The following EVC variants were observed in gnomAD, a reference collection of about 807,000 sequenced individuals.
EVC encodes evC complex member EVC.
In EVC, 116 loss-of-function variants were observed where a neutral mutation model predicts 118.9. The observed-to-expected ratio is 0.98, with a 90% confidence interval of 0.84 to 1.14. The LOEUF (loss-of-function observed/expected upper bound fraction) is 1.14. EVC is among the 50% of genes most tolerant of loss of function. EVC has a pLI of 0.00. For missense variants in EVC, 1,401 were observed against 1,246.4 expected (o/e 1.12, Z -1.87); for synonymous variants, 619 against 534.7 (o/e 1.16, Z -2.18).
At chr4:5,827,980 G>T in the EVC span, 1 of 944,936 alleles carries the variant, frequency 1.1e-6, no homozygotes, top group Non-Finnish European at 1.3e-6. Flanking sequence ...AATAAGGAAC[G>T]ACAGGGCAGA....
chr4:5,739,824 G>A (rs1319550495), intron 5 of EVC, among the ~76,000 whole-genome samples: 4 of 151,636 alleles, frequency 2.6e-5, no homozygotes, highest in Non-Finnish European at 5.9e-5. Context: ...CCAGCACTTT[G>A]GGAGGTGGAG....
chr4:5,828,465 C>G, the EVC span: 1 of 1,606,876 alleles, frequency 6.2e-7, no homozygotes, highest in Non-Finnish European at 8.5e-7. Context: ...ACGGGTGGGC[C>G]CGCTCCCCTG....
At position 5,756,246 on chromosome 4, in the gene EVC, C is replaced by T. The variant is rs1386528357; in HGVS notation, c.1465-18C>T. 3 of 1,591,708 alleles carry T rather than the reference C, an allele frequency of 1.9e-6. No homozygotes were observed. Among genetic ancestry groups the T allele is most frequent in the Non-Finnish European group, 2.6e-6 (3 of 1,163,998 alleles). On this transcript the variant is annotated intron_variant, in intron 10 of 20. Coordinates refer to ENST00000264956, the MANE Select transcript of EVC (RefSeq NM_153717.3). The surrounding 1 kb of genome is among the most constrained non-coding windows in gnomAD (Gnocchi z 4.2). ...CCCTGCATGTTTCTACCAGACTCAGCTCTTGTTTTCCTCACAGGCTTTTCA... is the reference window on the plus strand; with the variant it reads ...CCCTGCATGTTTCTACCAGACTCAGTTCTTGTTTTCCTCACAGGCTTTTCA...
intron 15 of EVC, among the ~76,000 whole-genome samples, chr4:5,800,493 CTGA>C (rs1396066272): frequency 2.0e-5 from 3 of 152,004 alleles, no homozygotes; most frequent in African/African-American, 7.2e-5. Flanking sequence ...CAGAAAAAAA[CTGA>C]GGAGGAGGAG....
At chr4:5,777,510 G>A (rs568910285) in intron 11 of EVC, among the ~76,000 whole-genome samples, 23 of 152,242 alleles carry the variant, frequency 1.5e-4, no homozygotes, top group East Asian at 9.6e-4. Flanking sequence ...GGTAAAAGCC[G>A]CCCAAAGACT....
rs1042630242 is a variant in EVC, at chr4:5,756,819, C to T, written c.1563+457C>T. Among the ~76,000 whole-genome samples, 43 of 152,248 alleles carry T rather than the reference C, an allele frequency of 2.8e-4. No homozygotes were observed. Among genetic ancestry groups the T allele is most frequent in the Admixed American group, 2.0e-3 (30 of 15,294 alleles). ...GGGGAGGTGAAGCTGGCCATGCTTGCCCTGCAGGGTGACTTTCAGAGAGCA... is the reference window on the plus strand; with the variant it reads ...GGGGAGGTGAAGCTGGCCATGCTTGTCCTGCAGGGTGACTTTCAGAGAGCA... On this transcript the variant is annotated intron_variant, in intron 11 of 20. Transcript: ENST00000264956. This position sits in a 1 kb window ranked among gnomAD's most constrained non-coding sequence, Gnocchi z 4.2.
At chr4:5,721,000 G>T (rs1270442958) in intron 2 of EVC, among the ~76,000 whole-genome samples, 2 of 152,086 alleles carry the variant, frequency 1.3e-5, no homozygotes, top group African/African-American at 4.8e-5. Context: ...ACGTGTGTCT[G>T]TGTATGTCCC....
Position 5,731,685 on chromosome 4 carries a change from G to A in EVC, c.617+28G>A. The A allele has an allele frequency of 6.3e-7, 1 of 1,593,418 alleles. No individual in the cohort carries two copies. Among genetic ancestry groups the A allele is most frequent in the Non-Finnish European group, 8.6e-7 (1 of 1,164,768 alleles). Reference sequence around the variant, plus strand: ...AAGGAGAGCGGGCAATGGAGGATGAGGCTTCCAGTCCTCTTGGAGTGGGCC... The same window carrying A: ...AAGGAGAGCGGGCAATGGAGGATGAAGCTTCCAGTCCTCTTGGAGTGGGCC... On this transcript the variant is annotated intron_variant, in intron 4 of 20. Coordinates refer to ENST00000264956, the MANE Select transcript of EVC (RefSeq NM_153717.3). The surrounding 1 kb of genome is among the most constrained non-coding windows in gnomAD (Gnocchi z 5.6).
chr4:5,811,121 G>A lies in EVC; in HGVS notation c.*84G>A. On this transcript the variant is annotated 3_prime_UTR_variant, in exon 21 of 21. Transcript: ENST00000264956. ...TTCCCTCCTGCAGTGCTGAGAGGCA[G>A]CGAGGACGGAGAGGACAGCGGCATC... 3 of 1,126,030 alleles carry A rather than the reference G, an allele frequency of 2.7e-6. No homozygotes were observed. Among genetic ancestry groups the A allele is most frequent in the Non-Finnish European group, 1.3e-6 (1 of 757,058 alleles). 69.8% of individuals were successfully genotyped at this position (1,126,030 alleles called of 1,614,324 possible). A position where few individuals can be genotyped will look rare whatever the true frequency, so the allele number is the denominator to read the frequency against.
intron 1 of EVC, among the ~76,000 whole-genome samples, chr4:5,718,417 T>C (rs146576470): frequency 6.6e-6 from 1 of 152,286 alleles, no homozygotes; most frequent in East Asian, 1.9e-4. Flanking sequence ...CCAGAGGGCA[T>C]GTCATAGTTT....
chr4:5,727,915 C>G lies in EVC; in HGVS notation c.301-1392C>G, dbSNP rs371177378. Among the ~76,000 whole-genome samples, 332 of 146,754 alleles carry G rather than the reference C, an allele frequency of 2.3e-3. 2 individuals are homozygous for G. The Middle Eastern group carries it at 0.038, about 17-fold the overall frequency. ...CGGCATTATTTCTGAGGGCTCTGTT[C>G]TGTTCCATTGATCTATATCTCTGTT... On this transcript the variant is annotated intron_variant, in intron 2 of 20. Transcript: ENST00000264956.
At chr4:5,748,891 A>G (rs1333271908) in intron 8 of EVC, among the ~76,000 whole-genome samples, 3 of 152,130 alleles carry the variant, frequency 2.0e-5, no homozygotes, top group Non-Finnish European at 4.4e-5. Flanking sequence ...ACACATTGAA[A>G]TTATCTGGGA....
chr4:5,788,997 C>T (rs1201273790), intron 12 of EVC, among the ~76,000 whole-genome samples: 1 of 152,156 alleles, frequency 6.6e-6, no homozygotes, highest in Admixed American at 6.5e-5. Context: ...TTGGACGTCC[C>T]TGTTTTAAGA....
chr4:5,735,012 T>C (rs566992728), intron 5 of EVC, among the ~76,000 whole-genome samples: 2 of 152,124 alleles, frequency 1.3e-5, no homozygotes, highest in African/African-American at 4.8e-5. Flanking sequence ...AGCCAGCGAG[T>C]GTCCACAGGG....
intron 1 of EVC, among the ~76,000 whole-genome samples, chr4:5,712,427 G>C (rs1168402506): frequency 6.6e-6 from 1 of 152,204 alleles, no homozygotes; most frequent in African/African-American, 2.4e-5. Context: ...TCCTATGCAA[G>C]TGGCCCTCAT....
At chr4:5,761,810 G>A (rs954037458) in intron 11 of EVC, among the ~76,000 whole-genome samples, 6 of 151,814 alleles carry the variant, frequency 4.0e-5, no homozygotes, top group African/African-American at 9.7e-5. Flanking sequence ...CTCTCATCCC[G>A]ACCTTTACGG....
chr4:5,824,049 C>T, the EVC span, among the ~76,000 whole-genome samples: 1 of 152,134 alleles, frequency 6.6e-6, no homozygotes, highest in Non-Finnish European at 1.5e-5. Flanking sequence ...ACTGAGAGAA[C>T]AAGGGTGAGG....
chr4:5,765,325 A>G (rs1732699775), intron 11 of EVC, among the ~76,000 whole-genome samples: 1 of 115,634 alleles, frequency 8.6e-6, no homozygotes, highest in Non-Finnish European at 1.9e-5. Flanking sequence ...ACTTCCAAGT[A>G]TGTGGTCAAT....
intron 2 of EVC, among the ~76,000 whole-genome samples, chr4:5,725,097 G>A (rs191040212): frequency 1.3e-4 from 20 of 152,270 alleles, no homozygotes; most frequent in Admixed American, 1.3e-3. Flanking sequence ...TAGTGTATAT[G>A]TACCACATTT....
Sources: allele counts gnomAD v4.1 joint callset (sites outside exome capture counted in the v4.1 genomes callset), GRCh38; gene constraint gnomAD v4.1.1; non-coding constraint Gnocchi (gnomAD v3.1); transcripts MANE v1.5; gene names NCBI Gene and HGNC (gene_info 2026-07-23, HGNC 2026-07-21).